The following RAB31 variants were observed in gnomAD, a reference collection of about 807,000 sequenced individuals.
RAB31 encodes the protein RAB31, member RAS oncogene family, also known as ras-related protein Rab-31.
Under a neutral mutation model 25.6 loss-of-function variants are expected in RAB31, and 21 were observed. That is an observed-to-expected ratio of 0.82 (90% CI 0.58 to 1.18). RAB31 has a LOEUF of 1.18. Ranked by LOEUF, RAB31 falls within the 50% of genes most tolerant of loss-of-function variation. The probability of loss-of-function intolerance (pLI) is 0.00; values close to 1 mark genes in which losing one functional copy is unlikely to be tolerated. For missense variants in RAB31, 196 were observed against 250.1 expected (o/e 0.78, Z 1.46); for synonymous variants, 87 against 84.0 (o/e 1.04, Z -0.20).
chr18:9,755,757 CT>C (rs1292852603), intron 1 of RAB31, among the ~76,000 whole-genome samples: 1 of 152,204 alleles, frequency 6.6e-6, no homozygotes, highest in African/African-American at 2.4e-5. Context: ...GTCACACCCC[CT>C]CTCTCCTTTG....
At chr18:9,747,503 A>G in intron 1 of RAB31, among the ~76,000 whole-genome samples, 1 of 152,264 alleles carries the variant, frequency 6.6e-6, no homozygotes, top group Non-Finnish European at 1.5e-5. Context: ...TGATATAAAC[A>G]TACAATGAAA....
intron 1 of RAB31, among the ~76,000 whole-genome samples, chr18:9,757,629 C>A (rs1225870772): frequency 6.6e-6 from 1 of 152,146 alleles, no homozygotes; most frequent in Non-Finnish European, 1.5e-5. Flanking sequence ...ACACCGCATG[C>A]TGGGTCTGTG....
chr18:9,748,651 G>T (rs1383806532), intron 1 of RAB31, among the ~76,000 whole-genome samples: 1 of 152,128 alleles, frequency 6.6e-6, no homozygotes, highest in Non-Finnish European at 1.5e-5. Context: ...CCAGCACTTT[G>T]GGAAGTCGAG....
At chr18:9,709,103 G>T (rs1434571355) in intron 1 of RAB31, among the ~76,000 whole-genome samples, 1 of 152,200 alleles carries the variant, frequency 6.6e-6, no homozygotes, top group African/African-American at 2.4e-5. Context: ...GAAAGAAGCT[G>T]CCTGGGAAAG....
At chr18:9,740,894 A>G (rs2068174842) in intron 1 of RAB31, among the ~76,000 whole-genome samples, 3 of 152,266 alleles carry the variant, frequency 2.0e-5, no homozygotes, top group African/African-American at 7.2e-5. Flanking sequence ...AGGTGCCTCC[A>G]GGGGGCTTTG....
chr18:9,732,450 C>T (rs1055686182), intron 1 of RAB31, among the ~76,000 whole-genome samples: 7 of 152,238 alleles, frequency 4.6e-5, no homozygotes, highest in Non-Finnish European at 8.8e-5. Context: ...GACATTAGTT[C>T]ATGCTCAGTG....
chr18:9,861,652 T>C lies in RAB31; in HGVS notation c.*2327T>C, dbSNP rs756985397. On this transcript the variant is annotated 3_prime_UTR_variant, in exon 7 of 7. Coordinates refer to ENST00000578921, the MANE Select transcript of RAB31 (RefSeq NM_006868.4). ...ATTGAACCATAACCATGTAATATTA[T>C]GTAAAGGCCTGGAAATTACTGTTGC... 12 of 152,208 alleles carry C rather than the reference T, an allele frequency of 7.9e-5. No individual in the cohort carries two copies. Among genetic ancestry groups the C allele is most frequent in the African/African-American group, 2.9e-4 (12 of 41,444 alleles). The allele number at this position is 152,208 out of a possible 1,614,324, so 9.4% of individuals were successfully genotyped here.
At chr18:9,715,684 C>G (rs1454575887) in intron 1 of RAB31, among the ~76,000 whole-genome samples, 2 of 152,036 alleles carry the variant, frequency 1.3e-5, no homozygotes, top group Admixed American at 6.6e-5. Context: ...TGTGCAACAC[C>G]ATGCCCAGCT....
At chr18:9,848,036 A>G (rs902227880) in intron 6 of RAB31, among the ~76,000 whole-genome samples, 40 of 152,250 alleles carry the variant, frequency 2.6e-4, no homozygotes, top group African/African-American at 8.7e-4. Flanking sequence ...ATTAATTCCT[A>G]TATAAGCCAT....
chr18:9,778,751 G>A lies in RAB31; in HGVS notation c.119+3394G>A, dbSNP rs780750792. Among the ~76,000 whole-genome samples the A allele has an allele frequency of 6.6e-5, 10 of 152,312 alleles. No homozygotes were observed. In the South Asian group the frequency reaches 1.0e-3, roughly 16 times the overall value. ...CTCCCAAAGTGCTGGGATTATAGGC[G>A]TGAGCCACTGTGCCCAGCCACACAT... is the stretch of plus-strand genomic sequence containing the variant. On this transcript the variant is annotated intron_variant, in intron 2 of 6. Transcript: ENST00000578921.
chr18:9,742,430 C>T (rs912443656), intron 1 of RAB31, among the ~76,000 whole-genome samples: 4 of 152,172 alleles, frequency 2.6e-5, no homozygotes, highest in Non-Finnish European at 5.9e-5. Flanking sequence ...CCCTTCAAGC[C>T]GACAGGAAGG....
chr18:9,803,867 T>C (rs1321195378), intron 3 of RAB31, among the ~76,000 whole-genome samples: 1 of 152,178 alleles, frequency 6.6e-6, no homozygotes, highest in African/African-American at 2.4e-5. Context: ...GTCGTGCCAT[T>C]TGCGGGGGTT....
rs113545043 is a variant in RAB31, at chr18:9,763,757, G to A, written c.40-11521G>A. On this transcript the variant is annotated intron_variant, in intron 1 of 6. Coordinates refer to ENST00000578921, the MANE Select transcript of RAB31 (RefSeq NM_006868.4). Reference sequence around the variant, plus strand: ...TTCCATAGGAAGTGCTTAGCTTGGTGCCTAGAACTTTTTATATTGTTAGTA... The same window carrying A: ...TTCCATAGGAAGTGCTTAGCTTGGTACCTAGAACTTTTTATATTGTTAGTA... Among the ~76,000 whole-genome samples the A allele has an allele frequency of 3.1e-3, 467 of 152,106 alleles. 4 individuals carry two copies. The highest frequency in any genetic ancestry group is 9.9e-3 in the African/African-American group (409 of 41,500).
intron 5 of RAB31, among the ~76,000 whole-genome samples, chr18:9,831,216 T>C (rs754832276): frequency 2.0e-5 from 3 of 152,226 alleles, no homozygotes; most frequent in Non-Finnish European, 4.4e-5. Flanking sequence ...TGGTGGAGAC[T>C]GGGCTTATGT....
intron 5 of RAB31, among the ~76,000 whole-genome samples, chr18:9,839,373 A>C (rs1345037487): frequency 6.6e-6 from 1 of 152,194 alleles, no homozygotes; most frequent in Non-Finnish European, 1.5e-5. Context: ...ATTCTCCAGC[A>C]ATCAGAAGAT....
chr18:9,758,368 G>C (rs556125153), intron 1 of RAB31, among the ~76,000 whole-genome samples: 4 of 152,020 alleles, frequency 2.6e-5, no homozygotes, highest in Admixed American at 6.6e-5. Context: ...TTGCCTCCTG[G>C]GGGGAAAAGC....
intron 1 of RAB31, among the ~76,000 whole-genome samples, chr18:9,720,172 C>T (rs951790303): frequency 2.0e-5 from 3 of 152,166 alleles, no homozygotes; most frequent in Admixed American, 2.0e-4. Flanking sequence ...CCATGTTGGC[C>T]AGGCTGGTCT....
chr18:9,777,642 AGAGT>A (rs1352481596), intron 2 of RAB31, among the ~76,000 whole-genome samples: 1 of 152,166 alleles, frequency 6.6e-6, no homozygotes, highest in Non-Finnish European at 1.5e-5. Context: ...AGAACTGATA[AGAGT>A]GATTAACTGT....
At chr18:9,789,824 C>G (rs1390269605) in intron 2 of RAB31, among the ~76,000 whole-genome samples, 1 of 152,120 alleles carries the variant, frequency 6.6e-6, no homozygotes, top group Non-Finnish European at 1.5e-5. Flanking sequence ...GGTTTTGATA[C>G]TACTGGATTT....
Sources: allele counts gnomAD v4.1 joint callset (sites outside exome capture counted in the v4.1 genomes callset), GRCh38; gene constraint gnomAD v4.1.1; transcripts MANE v1.5; gene names NCBI Gene and HGNC (gene_info 2026-07-23, HGNC 2026-07-21).